The following PCDH9 variants were observed in gnomAD, a reference collection of about 807,000 sequenced individuals.
PCDH9 encodes protocadherin 9.
In PCDH9, 24 loss-of-function variants were observed where a neutral mutation model predicts 70.6. The ratio of observed to expected loss-of-function variants is 0.34; its 90% confidence interval spans 0.25 to 0.48. The LOEUF (loss-of-function observed/expected upper bound fraction) is 0.48, where lower values mean the gene tolerates loss of function less well. Among genes scored for constraint, PCDH9 ranks in the 20% least tolerant of loss-of-function variants. The pLI, the probability that PCDH9 is intolerant of heterozygous loss-of-function variation, is 0.99. For missense variants in PCDH9, 1,281 were observed against 1,503.6 expected (o/e 0.85, Z 2.45); for synonymous variants, 562 against 558.5 (o/e 1.01, Z -0.09).
intron 3 of PCDH9, among the ~76,000 whole-genome samples, chr13:66,830,253 G>A (rs60134261): frequency 6.6e-6 from 1 of 152,062 alleles, no homozygotes; most frequent in Non-Finnish European, 1.5e-5. Context: ...TAGACAGGTG[G>A]CTCACACCCA....
chr13:67,019,379 T>C (rs891305569), intron 2 of PCDH9, among the ~76,000 whole-genome samples: 1 of 151,598 alleles, frequency 6.6e-6, no homozygotes, highest in Non-Finnish European at 1.5e-5. Context: ...GTGTATTTAG[T>C]AGAGACGGGG....
intron 3 of PCDH9, among the ~76,000 whole-genome samples, chr13:66,687,147 A>G (rs937660880): frequency 6.6e-6 from 1 of 152,188 alleles, no homozygotes; most frequent in Non-Finnish European, 1.5e-5. Flanking sequence ...AAGCTCCAAT[A>G]AGCCAAGTTT....
chr13:66,779,849 C>CTCTCTCTCTATATATATATATATA (rs1395244975), intron 3 of PCDH9, among the ~76,000 whole-genome samples: 2 of 78,900 alleles, frequency 2.5e-5, no homozygotes, highest in African/African-American at 1.0e-4. Context: ...CTCTCTCTCT[C>CTCTCTCTCTATATATATATATATA]TATATATATA....
At chr13:66,775,899 A>T (rs1262596512) in intron 3 of PCDH9, among the ~76,000 whole-genome samples, 4 of 152,100 alleles carry the variant, frequency 2.6e-5, no homozygotes, top group African/African-American at 9.7e-5. Context: ...AAATGGGAAT[A>T]GATCCAAGCC....
chr13:66,602,303 C>T lies in PCDH9; in HGVS notation c.3340+28907G>A, dbSNP rs1001073591. On this transcript the variant is annotated intron_variant, in intron 4 of 4. Coordinates refer to ENST00000377865, the MANE Select transcript of PCDH9 (RefSeq NM_203487.3). ...TCCTGGGCTGCATGTGGCCCACAGG[C>T]TGTGGGTTGGACAAGCTTGATCTAG... Among the ~76,000 whole-genome samples the T allele has an allele frequency of 2.1e-5, 3 of 146,338 alleles. 1 individual carries two copies. The highest frequency in any genetic ancestry group is 4.9e-5 in the African/African-American group (2 of 40,620).
At chr13:67,081,891 T>C (rs1183548900) in intron 2 of PCDH9, among the ~76,000 whole-genome samples, 1 of 152,184 alleles carries the variant, frequency 6.6e-6, no homozygotes, top group Non-Finnish European at 1.5e-5. Flanking sequence ...TCTTAAAATT[T>C]TTAATTTAAT....
At chr13:66,348,867 G>T (rs1956252121) in intron 4 of PCDH9, among the ~76,000 whole-genome samples, 1 of 151,896 alleles carries the variant, frequency 6.6e-6, no homozygotes, top group Non-Finnish European at 1.5e-5. Flanking sequence ...AAACCATGTT[G>T]TTCTTCCTCT....
chr13:66,845,060 GAA>G (rs1183382103), intron 3 of PCDH9, among the ~76,000 whole-genome samples: 1 of 152,074 alleles, frequency 6.6e-6, no homozygotes. Flanking sequence ...GGGTGGGCCT[GAA>G]AAAAGAGCCA....
At chr13:66,534,777 G>C (rs1960618985) in intron 4 of PCDH9, among the ~76,000 whole-genome samples, 1 of 152,166 alleles carries the variant, frequency 6.6e-6, no homozygotes, top group African/African-American at 2.4e-5. Flanking sequence ...AATGAATGTA[G>C]TATACATCAA....
chr13:67,195,971 T>C (rs1486963017), intron 2 of PCDH9, among the ~76,000 whole-genome samples: 2 of 152,306 alleles, frequency 1.3e-5, no homozygotes, highest in East Asian at 3.9e-4. Flanking sequence ...GAGTGACTTA[T>C]ATGATATGTA....
intron 2 of PCDH9, among the ~76,000 whole-genome samples, chr13:67,150,258 A>G (rs1425056341): frequency 6.6e-6 from 1 of 152,140 alleles, no homozygotes; most frequent in Non-Finnish European, 1.5e-5. Context: ...GCTGGCCTCG[A>G]ACTCCCGACC....
chr13:66,471,695 G>C (rs1390594837), intron 4 of PCDH9, among the ~76,000 whole-genome samples: 1 of 152,094 alleles, frequency 6.6e-6, no homozygotes, highest in Non-Finnish European at 1.5e-5. Context: ...GGCAACAGAG[G>C]CTAAGTAGCT....
chr13:67,007,279 TA>T (rs1388654822), intron 2 of PCDH9, among the ~76,000 whole-genome samples: 3 of 151,874 alleles, frequency 2.0e-5, no homozygotes, highest in East Asian at 1.9e-4. Context: ...TGTAAAAATG[TA>T]AAAAAATTTA....
intron 4 of PCDH9, among the ~76,000 whole-genome samples, chr13:66,392,744 A>T (rs1028958681): frequency 5.3e-4 from 80 of 151,910 alleles, no homozygotes; most frequent in Admixed American, 4.9e-3. Context: ...TACACTGCAT[A>T]AAAAAAATGC....
intron 4 of PCDH9, among the ~76,000 whole-genome samples, chr13:66,335,842 A>C (rs1392260330): frequency 6.6e-6 from 1 of 152,144 alleles, no homozygotes; most frequent in East Asian, 1.9e-4. Flanking sequence ...AGTATAAAGT[A>C]CACGGGGGTG....
chr13:66,960,608 T>C (rs1207900143), intron 2 of PCDH9, among the ~76,000 whole-genome samples: 1 of 152,212 alleles, frequency 6.6e-6, no homozygotes, highest in African/African-American at 2.4e-5. Flanking sequence ...AAGATATAAA[T>C]AACTTTTCTT....
chr13:66,652,764 G>C (rs1450473668), intron 3 of PCDH9, among the ~76,000 whole-genome samples: 2 of 152,012 alleles, frequency 1.3e-5, no homozygotes, highest in Admixed American at 6.6e-5. Context: ...GCATGGTATT[G>C]GCATGAAAAC....
chr13:66,630,401 TTTTA>T (rs934564213), intron 4 of PCDH9, among the ~76,000 whole-genome samples: 3 of 152,182 alleles, frequency 2.0e-5, no homozygotes, highest in African/African-American at 7.2e-5. Context: ...TGAAATGGTC[TTTTA>T]TTTATTTATT....
intron 2 of PCDH9, among the ~76,000 whole-genome samples, chr13:67,142,982 C>G (rs2087433220): frequency 6.6e-6 from 1 of 151,660 alleles, no homozygotes; most frequent in Admixed American, 6.6e-5. Context: ...GCACTCCAGC[C>G]TGGGCAACAG....
Sources: allele counts gnomAD v4.1 joint callset (sites outside exome capture counted in the v4.1 genomes callset), GRCh38; gene constraint gnomAD v4.1.1; transcripts MANE v1.5; gene names NCBI Gene and HGNC (gene_info 2026-07-23, HGNC 2026-07-21).